Variants in NDUFS1 observed in about 807,000 individuals in gnomAD.
NDUFS1 encodes the protein NADH-ubiquinone oxidoreductase 75 kDa subunit, mitochondrial.
NDUFS1 carries 61 observed loss-of-function variants against 84.4 expected under a neutral mutation model. The observed-to-expected ratio is 0.72, with a 90% CI of 0.59 to 0.89. The LOEUF is 0.89. Ranked by LOEUF, NDUFS1 falls within the 40% of genes least tolerant of loss-of-function variation. The pLI is 0.00. For synonymous variants in NDUFS1, 275 were observed against 290.0 expected (o/e 0.95, Z 0.53); for missense variants, 891 against 890.0 (o/e 1.00, Z -0.01).
intron 13 of NDUFS1, among the ~76,000 whole-genome samples, chr2:206,133,995 A>G (rs573180738): frequency 4.6e-5 from 7 of 152,300 alleles, no homozygotes; most frequent in African/African-American, 1.7e-4. Context: ...AAAACAAAAC[A>G]AAACGTGTAA....
chr2:206,134,641 CAG>C (rs200695375), intron 13 of NDUFS1, among the ~76,000 whole-genome samples: 1,879 of 151,688 alleles, frequency 0.012, 40 homozygotes, highest in African/African-American at 0.043. Flanking sequence ...ACAGGAAAGA[CAG>C]GGTACAGGAT....
rs571456622 is a variant in NDUFS1, at chr2:206,140,488, T to A, written c.1262+1453A>T. Among the ~76,000 whole-genome samples the A allele has an allele frequency of 9.3e-5, 14 of 150,564 alleles. 1 individual carries two copies. The South Asian group carries it at 2.9e-3, about 32-fold the overall frequency. On this transcript the variant is annotated intron_variant, in intron 12 of 18. Coordinates refer to ENST00000233190, the MANE Select transcript of NDUFS1 (RefSeq NM_005006.7). ...TCTCAGAAACCAAAAAAACTAAATT[T>A]CTTTTTTTTGAGATGGAGTGTTGCT...
chr2:206,149,832 C>T lies in NDUFS1; in HGVS notation c.247G>A (p.Glu83Lys). The change falls in exon 4 of 19, where the codon GAG becomes AAG. Residue 83 changes from glutamate to lysine, a missense_variant. Glu to Lys is a moderately conservative substitution (Grantham distance 56). Coordinates refer to ENST00000233190, the MANE Select transcript of NDUFS1 (RefSeq NM_005006.7). ...GNCRMCLVEIEKAPKVVAACA... is the reference protein window; with the variant it reads ...GNCRMCLVEIKKAPKVVAACA... Reference sequence around the variant, plus strand: ...GTATCAAGTACCTTAGGGGCTTTCTCAATTTCAACAAGGCACATCCTGCAG... The same window carrying T: ...GTATCAAGTACCTTAGGGGCTTTCTTAATTTCAACAAGGCACATCCTGCAG... 6.3e-7 allele frequency: 1 copy of T among 1,599,390 alleles called. No homozygotes were observed. Among genetic ancestry groups the T allele is most frequent in the Non-Finnish European group, 8.5e-7 (1 of 1,171,328 alleles).
In NDUFS1 at chr2:206,138,854, A is replaced by G. The variant is rs566257446; in HGVS notation, c.1263-240T>C. On this transcript the variant is annotated intron_variant, in intron 12 of 18. Transcript: ENST00000233190. ...ATCCAGACCAGGCGCAGTGGCTCAC[A>G]CCTGTAAATCCCAACACTTTAGGAG... Among the ~76,000 whole-genome samples, 7 of 152,330 alleles carry G rather than the reference A, an allele frequency of 4.6e-5. No individual in the cohort carries two copies. In the East Asian group the frequency reaches 1.2e-3, roughly 25 times the overall value.
In NDUFS1 at chr2:206,124,130, G is replaced by A. The variant is rs1691189105; in HGVS notation, c.*55C>T. The A allele has an allele frequency of 1.9e-6, 2 of 1,068,648 alleles. No individual in the cohort carries two copies. The highest frequency in any genetic ancestry group is 1.6e-5 in the African/African-American group (1 of 64,196). 66.2% of individuals were successfully genotyped at this position (1,068,648 alleles called of 1,614,324 possible). On this transcript the variant is annotated 3_prime_UTR_variant, in exon 19 of 19. Transcript: ENST00000233190. ...AGAAATAAACCTGTAAAGGATCACT[G>A]CACTACAGTTGTCCATTAATTATCT... is the stretch of plus-strand genomic sequence containing the variant.
At chr2:206,150,500 TAG>T (rs1284490095) in intron 3 of NDUFS1, among the ~76,000 whole-genome samples, 1 of 152,214 alleles carries the variant, frequency 6.6e-6, no homozygotes, top group Non-Finnish European at 1.5e-5. Flanking sequence ...AAATTTCCTC[TAG>T]AGTTAGTTCC....
rs143082173 is a variant in NDUFS1 at position 206,150,812 on chromosome 2, A to G, written c.154-887T>C. 1.8e-3 allele frequency among the ~76,000 whole-genome samples: 276 copies of G among 152,306 alleles called. 1 individual carries two copies. Among genetic ancestry groups the G allele is most frequent in the African/African-American group, 6.5e-3 (269 of 41,542 alleles). On this transcript the variant is annotated intron_variant, in intron 3 of 18. Transcript: ENST00000233190. ...TTCTCTCCCCTCTATACACTCCAAAATAACCTAACAAATGCAGAAAACCAC... is the reference window on the plus strand; with the variant it reads ...TTCTCTCCCCTCTATACACTCCAAAGTAACCTAACAAATGCAGAAAACCAC...
intron 1 of NDUFS1, among the ~76,000 whole-genome samples, chr2:206,158,323 C>A (rs1382348054): frequency 2.0e-5 from 3 of 152,204 alleles, no homozygotes; most frequent in Non-Finnish European, 4.4e-5. Flanking sequence ...TCCCCTCTTG[C>A]CACCGGCTGT....
intron 8 of NDUFS1, 110 bp downstream of exon 8, chr2:206,146,793 A>C (rs1692168489): frequency 2.9e-6 from 3 of 1,043,538 alleles, no homozygotes; most frequent in Non-Finnish European, 4.3e-6. Context: ...AAACAAACAA[A>C]GTCAACAGAC....
intron 10 of NDUFS1, among the ~76,000 whole-genome samples, chr2:206,143,354 T>G (rs1692036718): frequency 6.6e-6 from 1 of 152,194 alleles, no homozygotes; most frequent in South Asian, 2.1e-4. Flanking sequence ...AACATCAACT[T>G]AGAAGGAAGC....
chr2:206,126,655 ACT>A (rs763906959), intron 17 of NDUFS1, 44 bp from the exon 18 acceptor site: 37 of 1,614,014 alleles, frequency 2.3e-5, no homozygotes, highest in African/African-American at 5.3e-5. Flanking sequence ...GAAAACTAGT[ACT>A]GTTACACCAG....
intron 3 of NDUFS1, 78 bp downstream of exon 3, chr2:206,152,341 A>G: frequency 9.9e-7 from 1 of 1,007,390 alleles, no homozygotes; most frequent in Non-Finnish European, 1.6e-6. Flanking sequence ...ATTTACTAAT[A>G]ATCAGTATAA....
In NDUFS1 at chr2:206,115,732, T is replaced by C. The variant is rs1690926973; in HGVS notation, c.*8453A>G. 2.5e-6 allele frequency: 1 copy of C among 406,742 alleles called. No homozygotes were observed. The highest frequency in any genetic ancestry group is 1.9e-5 in the South Asian group (1 of 52,740). The allele number at this position is 406,742 out of a possible 1,614,324, so 25.2% of individuals were successfully genotyped here. A position where few individuals can be genotyped will look rare whatever the true frequency, so the allele number is the denominator to read the frequency against. ...CCAGTTATTTCCAATGGAAAGATCATTAAGTATTTCATCCCAAGTCCAGGT... is the reference window on the plus strand; with the variant it reads ...CCAGTTATTTCCAATGGAAAGATCACTAAGTATTTCATCCCAAGTCCAGGT... On this transcript the variant is annotated 3_prime_UTR_variant, in exon 19 of 19. Coordinates refer to ENST00000233190, the MANE Select transcript of NDUFS1 (RefSeq NM_005006.7).
At chr2:206,139,433 C>T (rs1287684842) in intron 12 of NDUFS1, among the ~76,000 whole-genome samples, 1 of 152,050 alleles carries the variant, frequency 6.6e-6, no homozygotes, top group Non-Finnish European at 1.5e-5. Flanking sequence ...GTGATCCACC[C>T]GCCTCAGCCT....
rs1691106077 is a variant in NDUFS1 at position 206,121,862 on chromosome 2, G to T, written c.*2323C>A. 6.6e-6 allele frequency: 1 copy of T among 152,136 alleles called. No individual in the cohort carries two copies. Among genetic ancestry groups the T allele is most frequent in the African/African-American group, 2.4e-5 (1 of 41,416 alleles). The allele number at this position is 152,136 out of a possible 1,614,324, so 9.4% of individuals were successfully genotyped here. On this transcript the variant is annotated 3_prime_UTR_variant, in exon 19 of 19. Coordinates refer to ENST00000233190, the MANE Select transcript of NDUFS1 (RefSeq NM_005006.7). Reference sequence around the variant, plus strand: ...ATAGCATCTTTTCTATCTGAATGCAGTATTCTCTTACCCACAACCATATGA... The same window carrying T: ...ATAGCATCTTTTCTATCTGAATGCATTATTCTCTTACCCACAACCATATGA...
At chr2:206,141,142 G>A (rs572893836) in intron 12 of NDUFS1, among the ~76,000 whole-genome samples, 19 of 152,216 alleles carry the variant, frequency 1.2e-4, no homozygotes, top group Admixed American at 2.6e-4. Context: ...GCAACTGGGC[G>A]TGGCAGTTCA....
intron 9 of NDUFS1, 63 bp downstream of exon 9, chr2:206,144,829 A>T (rs1170654058): frequency 1.3e-6 from 2 of 1,526,274 alleles, no homozygotes; most frequent in African/African-American, 2.8e-5. Flanking sequence ...TAATTCTTCA[A>T]AATTATTATA....
intron 8 of NDUFS1, 84 bp downstream of exon 8, chr2:206,146,819 C>G: frequency 7.4e-7 from 1 of 1,345,396 alleles, no homozygotes; most frequent in Non-Finnish European, 1.0e-6. Flanking sequence ...CAACTGAAAC[C>G]CAGGAAGAAA....
At chr2:206,132,843 C>T (rs1168896471) in intron 14 of NDUFS1, 102 bp downstream of exon 14, 2 of 1,080,014 alleles carry the variant, frequency 1.9e-6, no homozygotes, top group South Asian at 2.7e-5. Context: ...GATAATGTTG[C>T]TAAATGTTGT....
Sources: gnomAD v4.1 joint callset for allele counts (sites outside exome capture counted in the v4.1 genomes callset) on GRCh38, gnomAD v4.1.1 for gene constraint, MANE v1.5 for transcripts, NCBI Gene and HGNC (gene_info 2026-07-23, HGNC 2026-07-21) for gene names.